Variants in NFAT5 observed in about 807,000 individuals in gnomAD.
NFAT5 encodes the protein nuclear factor of activated T-cells 5.
NFAT5 carries 31 observed loss-of-function variants against 166.5 expected under a neutral mutation model. The observed-to-expected ratio is 0.19, with a 90% CI of 0.14 to 0.25. The LOEUF is 0.25. NFAT5 is among the 10% of genes least tolerant of loss of function. The probability of loss-of-function intolerance (pLI) is 1.00; values close to 1 mark genes in which losing one functional copy is unlikely to be tolerated. For synonymous variants in NFAT5, 612 were observed against 639.7 expected (o/e 0.96, Z 0.65); for missense variants, 1,449 against 1,821.8 (o/e 0.80, Z 3.72).
At chr16:69,609,430 T>G (rs2033595188) in intron 2 of NFAT5, among the ~76,000 whole-genome samples, 1 of 152,192 alleles carries the variant, frequency 6.6e-6, no homozygotes, top group South Asian at 2.1e-4. Flanking sequence ...AATATACATA[T>G]GTCTACATGA....
At chr16:69,636,897 T>C (rs983419793) in intron 3 of NFAT5, among the ~76,000 whole-genome samples, 12 of 152,238 alleles carry the variant, frequency 7.9e-5, no homozygotes, top group African/African-American at 2.7e-4. Context: ...ACTTATGCAG[T>C]TTTCTGCAGC....
rs753691324 is a variant in NFAT5, at chr16:69,691,077, A to G, written c.1912A>G (p.Thr638Ala). 4.4e-6 allele frequency: 7 copies of G among 1,597,436 alleles called. No individual in the cohort carries two copies. The highest frequency in any genetic ancestry group is 1.8e-5 in the Admixed American group (1 of 56,804). ...AGTAACAGCAGAAAAAAGATCTTCCACTATTTTTAAGGTAAGCTGTATTGA... is the reference window on the plus strand; with the variant it reads ...AGTAACAGCAGAAAAAAGATCTTCCGCTATTTTTAAGGTAAGCTGTATTGA... ...MEVTAEKRSS[T>A]IFKTTKSVGS... The change falls in exon 12 of 15, where the codon ACT becomes GCT. Residue 638 changes from threonine (T) to alanine (A), a missense_variant. Around this residue, in one of 7 missense-constraint regions of NFAT5, gnomAD observed 245 missense variants for 366.6 expected, o/e 0.67. Coordinates refer to ENST00000349945, the MANE Select transcript of NFAT5 (RefSeq NM_138713.4).
chr16:69,661,381 A>T (rs1181479204), intron 7 of NFAT5, among the ~76,000 whole-genome samples: 5 of 124,396 alleles, frequency 4.0e-5, no homozygotes, highest in East Asian at 4.2e-4. Context: ...TACAAAAATT[A>T]AAAAAAAAAA....
At chr16:69,567,296 T>A (rs2016123643) in intron 1 of NFAT5, among the ~76,000 whole-genome samples, 2 of 152,348 alleles carry the variant, frequency 1.3e-5, no homozygotes, top group South Asian at 4.1e-4. Flanking sequence ...GCACTGGAGC[T>A]GATCCCTACT....
rs1473983775 is a variant in NFAT5, at chr16:69,566,278, CG to C, written c.-21del. On this transcript the variant is annotated 5_prime_UTR_variant, in exon 1 of 15. Transcript: ENST00000349945. The surrounding 1 kb of genome is among the most constrained non-coding windows in gnomAD (Gnocchi z 5.7). ...GCCGCTCCCCCCCTCCCGCTGCCCT[CG>C]GGCCGGGCTGGGTCGAGCTGCGATG... 1 of 1,591,788 alleles carries C rather than the reference CG, an allele frequency of 6.3e-7. No homozygotes were observed. The highest frequency in any genetic ancestry group is 1.1e-5 in the South Asian group (1 of 87,130).
At chr16:69,588,785 A>G (rs2032263291) in intron 2 of NFAT5, among the ~76,000 whole-genome samples, 1 of 152,172 alleles carries the variant, frequency 6.6e-6, no homozygotes, top group Admixed American at 6.5e-5. Context: ...AAATCATTTT[A>G]GGTTGGAACC....
intron 3 of NFAT5, among the ~76,000 whole-genome samples, chr16:69,646,061 A>G (rs1247963841): frequency 6.6e-6 from 1 of 152,232 alleles, no homozygotes; most frequent in African/African-American, 2.4e-5. Context: ...GATTTCAGCC[A>G]GTAAAATTTA....
At position 69,647,547 on chromosome 16, in the gene NFAT5, T is replaced by C; in HGVS notation, c.773T>C (p.Leu258Pro). The C allele has an allele frequency of 6.3e-7, 1 of 1,596,152 alleles. No individual in the cohort carries two copies. Among genetic ancestry groups the C allele is most frequent in the Non-Finnish European group, 8.5e-7 (1 of 1,173,924 alleles). Residue 258 changes from leucine (L) to proline (P), a missense_variant, in exon 4 of 15, where the codon CTT (leucine) becomes CCT (proline). Physicochemically the swap from Leu to Pro is moderately conservative, Grantham distance 98 (BLOSUM62 -3). This residue lies in a region of NFAT5 where 115 missense variants were observed against 177.1 expected (regional missense o/e 0.65). Coordinates refer to ENST00000349945, the MANE Select transcript of NFAT5 (RefSeq NM_138713.4). The surrounding 1 kb of genome is among the most constrained non-coding windows in gnomAD (Gnocchi z 4.8). Reference sequence around the variant, plus strand: ...GCACCTCACTATGTGCTTTCTCAGCTTACCACGGACAACAAAGGCAACTCA... The same window carrying C: ...GCACCTCACTATGTGCTTTCTCAGCCTACCACGGACAACAAAGGCAACTCA... ...AKAPHYVLSQ[L>P]TTDNKGNSKA... is the part of the protein sequence containing the mutation.
intron 3 of NFAT5, among the ~76,000 whole-genome samples, chr16:69,627,355 TA>T (rs1567553003): frequency 1.1e-3 from 37 of 32,612 alleles, no homozygotes; most frequent in Non-Finnish European, 1.7e-3. Flanking sequence ...TATATATATA[TA>T]TATATATATA....
intron 2 of NFAT5, among the ~76,000 whole-genome samples, chr16:69,574,395 G>A (rs997071114): frequency 1.3e-5 from 2 of 152,086 alleles, no homozygotes; most frequent in African/African-American, 4.8e-5. Flanking sequence ...CGCAAAGAAG[G>A]TTGCTGTGTC....
Position 69,698,974 on chromosome 16 carries a change from A to T in NFAT5, c.*2623A>T, listed in dbSNP as rs1371116618. 6.6e-6 allele frequency: 1 copy of T among 152,608 alleles called. No homozygotes were observed. Among genetic ancestry groups the T allele is most frequent in the Non-Finnish European group, 1.5e-5 (1 of 68,026 alleles). 9.5% of individuals were successfully genotyped at this position (152,608 alleles called of 1,614,324 possible). The stretch of plus-strand genomic sequence containing the variant: ...ATTACCCAGTATAGTTCAGGTTATG[A>T]GGAGGATCAGCCACACAATCCAGTG... On this transcript the variant is annotated 3_prime_UTR_variant, in exon 15 of 15. Coordinates refer to ENST00000349945, the MANE Select transcript of NFAT5 (RefSeq NM_138713.4).
intron 2 of NFAT5, among the ~76,000 whole-genome samples, chr16:69,572,988 G>T (rs1198890897): frequency 6.6e-6 from 1 of 152,052 alleles, no homozygotes; most frequent in African/African-American, 2.4e-5. Context: ...GACTACAGGC[G>T]CGTGCCACCA....
At chr16:69,674,792 T>C (rs1427655506) in intron 9 of NFAT5, among the ~76,000 whole-genome samples, 4 of 152,256 alleles carry the variant, frequency 2.6e-5, no homozygotes, top group Admixed American at 6.5e-5. Flanking sequence ...GAAAGATATC[T>C]AGCACCATTG....
Position 69,702,017 on chromosome 16 carries a change from CT to C in NFAT5, c.*5668del, listed in dbSNP as rs2037906446. ...CCAGCTCCTTACCACAGCGGTGGTG[CT>C]TAAAGAAAGGATCATCAGCAACAGG... On this transcript the variant is annotated 3_prime_UTR_variant, in exon 15 of 15. Transcript: ENST00000349945. 6.6e-6 allele frequency: 1 copy of C among 152,576 alleles called. No individual in the cohort carries two copies. Among genetic ancestry groups the C allele is most frequent in the Non-Finnish European group, 1.5e-5 (1 of 68,036 alleles). The allele number at this position is 152,576 out of a possible 1,614,324, so 9.5% of individuals were successfully genotyped here. A position where few individuals can be genotyped will look rare whatever the true frequency, so the allele number is the denominator to read the frequency against.
intron 11 of NFAT5, among the ~76,000 whole-genome samples, chr16:69,686,619 T>A (rs914993926): frequency 6.6e-6 from 1 of 152,124 alleles, no homozygotes; most frequent in Non-Finnish European, 1.5e-5. Flanking sequence ...ATTCCAGCAC[T>A]TTGTGGGGCT....
chr16:69,621,435 C>G (rs534484836), intron 2 of NFAT5, among the ~76,000 whole-genome samples: 107 of 152,298 alleles, frequency 7.0e-4, no homozygotes, highest in Non-Finnish European at 1.3e-3. Context: ...TTCTCTCACT[C>G]TCTTTTCTCT....
In NFAT5 at chr16:69,699,272, C is replaced by T. The variant is rs2037853275; in HGVS notation, c.*2921C>T. 6.5e-6 allele frequency: 1 copy of T among 153,070 alleles called. No individual in the cohort carries two copies. Among genetic ancestry groups the T allele is most frequent in the Non-Finnish European group, 1.5e-5 (1 of 68,046 alleles). 9.5% of individuals were successfully genotyped at this position (153,070 alleles called of 1,614,324 possible). A position where few individuals can be genotyped will look rare whatever the true frequency, so the allele number is the denominator to read the frequency against. On this transcript the variant is annotated 3_prime_UTR_variant, in exon 15 of 15. Transcript: ENST00000349945. ...GGTTTAGCAAGAGGTTTATTGTTAT[C>T]AAATGCTAATTGGCAATGCCAAGTC...
At chr16:69,600,296 A>G (rs1354319122) in intron 2 of NFAT5, among the ~76,000 whole-genome samples, 1 of 152,206 alleles carries the variant, frequency 6.6e-6, no homozygotes. Flanking sequence ...TTAGGAGTTT[A>G]TTGATAACCA....
intron 2 of NFAT5, among the ~76,000 whole-genome samples, chr16:69,597,390 C>G (rs1481795350): frequency 6.6e-6 from 1 of 152,002 alleles, no homozygotes; most frequent in African/African-American, 2.4e-5. Flanking sequence ...ATATCTCTTG[C>G]GATTTCCTTG....
Sources: allele counts gnomAD v4.1 joint callset (sites outside exome capture counted in the v4.1 genomes callset), GRCh38; gene constraint gnomAD v4.1.1; regional missense constraint gnomAD v4.1.1; non-coding constraint Gnocchi (gnomAD v3.1); transcripts MANE v1.5; gene names NCBI Gene and HGNC (gene_info 2026-07-23, HGNC 2026-07-21).